Variants in TBC1D15 observed in about 807,000 individuals in gnomAD.
TBC1D15 encodes TBC1 domain family member 15.
A neutral mutation model predicts 95.4 loss-of-function variants in TBC1D15; 39 were observed. The observed-to-expected ratio is 0.41, with a 90% CI of 0.32 to 0.53. The LOEUF (loss-of-function observed/expected upper bound fraction) is 0.53. TBC1D15 is among the 20% of genes least tolerant of loss of function. TBC1D15 has a pLI of 0.29. For missense variants in TBC1D15, 733 were observed against 794.3 expected, an observed-to-expected ratio of 0.92 and a Z score of 0.93; for synonymous variants, 258 against 261.3, an observed-to-expected ratio of 0.99 and a Z score of 0.12.
At chr12:71,913,523 T>C (rs977905984) in intron 11 of TBC1D15, 2 of 241,354 alleles carry the variant, frequency 8.3e-6, no homozygotes, top group African/African-American at 2.4e-5. Flanking sequence ...TTCTTTCTCA[T>C]GATGCTCTTG....
intron 9 of TBC1D15, 77 bp downstream of exon 9, chr12:71,896,857 A>G (rs1898292870): frequency 9.0e-7 from 1 of 1,116,468 alleles, no homozygotes; most frequent in Non-Finnish European, 1.3e-6. Flanking sequence ...GGGTTTCTAG[A>G]TGAGGATTTG....
At chr12:71,893,509 T>C (rs1897589278) in intron 6 of TBC1D15, among the ~76,000 whole-genome samples, 185 bp downstream of exon 6, 1 of 151,862 alleles carries the variant, frequency 6.6e-6, no homozygotes, top group South Asian at 2.1e-4. Flanking sequence ...TAAGTTTTCA[T>C]GTTATTTGCA....
intron 10 of TBC1D15, among the ~76,000 whole-genome samples, chr12:71,905,842 T>G (rs1181258700): frequency 6.6e-6 from 1 of 152,160 alleles, no homozygotes; most frequent in Non-Finnish European, 1.5e-5. Flanking sequence ...TGTTGTTAGA[T>G]TCTACTCTGT....
At position 71,878,681 on chromosome 12, in the gene TBC1D15, A is replaced by G. The variant is rs563994406; in HGVS notation, c.205-1788A>G. Among the ~76,000 whole-genome samples the G allele has an allele frequency of 9.0e-4, 136 of 151,600 alleles. 1 individual carries two copies. The highest frequency in any genetic ancestry group is 6.2e-3 in the Admixed American group (94 of 15,256). On this transcript the variant is annotated intron_variant, in intron 3 of 16. Coordinates refer to ENST00000485960, the MANE Select transcript of TBC1D15 (RefSeq NM_001146213.3). ...CAGGCACCCCCCACCACTCCCGGCT[A>G]ATTTTTGTATTTTTAGTAGAGACGG...
intron 12 of TBC1D15, among the ~76,000 whole-genome samples, chr12:71,915,025 T>A (rs946782313): frequency 5.3e-5 from 8 of 152,082 alleles, no homozygotes; most frequent in African/African-American, 1.9e-4. Flanking sequence ...TTACATTAAA[T>A]TCATGAATAT....
intron 7 of TBC1D15, among the ~76,000 whole-genome samples, chr12:71,895,173 T>C (rs952861882): frequency 1.3e-5 from 2 of 152,052 alleles, no homozygotes; most frequent in Non-Finnish European, 2.9e-5. Flanking sequence ...CCTTTCCTAT[T>C]ACCTCTTAGT....
intron 1 of TBC1D15, among the ~76,000 whole-genome samples, chr12:71,851,544 A>G (rs1205243211): frequency 6.6e-6 from 1 of 152,206 alleles, no homozygotes; most frequent in Non-Finnish European, 1.5e-5. Context: ...TCCACCTGTG[A>G]GGCTGTAAAA....
chr12:71,876,199 T>C (rs1893779406), intron 3 of TBC1D15, among the ~76,000 whole-genome samples: 1 of 152,220 alleles, frequency 6.6e-6, no homozygotes, highest in Non-Finnish European at 1.5e-5. Flanking sequence ...GGTATCTCAC[T>C]TTTCCACCAA....
chr12:71,909,643 AC>A (rs1901688173), intron 11 of TBC1D15, among the ~76,000 whole-genome samples: 1 of 152,178 alleles, frequency 6.6e-6, no homozygotes, highest in Non-Finnish European at 1.5e-5. Context: ...AGCTTCAGTA[AC>A]CTGGAAAATT....
intron 3 of TBC1D15, 54 bp downstream of exon 3, chr12:71,873,057 A>AT (rs1893028856): frequency 8.3e-7 from 1 of 1,203,730 alleles, no homozygotes; most frequent in African/African-American, 1.5e-5. Flanking sequence ...AAATAACAGT[A>AT]TTATCCATAT....
rs376206032 is a variant in TBC1D15 at position 71,885,996 on chromosome 12, T to C, written c.554+975T>C. On this transcript the variant is annotated intron_variant, in intron 5 of 16. Transcript: ENST00000485960. ...TGAGTAAAGTCCAAAGCACAAAGCA[T>C]CTTTTAAGTCATGTTAGCAGGTTCT... Among the ~76,000 whole-genome samples the C allele has an allele frequency of 2.4e-4, 37 of 152,302 alleles. No individual in the cohort carries two copies. The South Asian group carries it at 3.1e-3, about 13-fold the overall frequency.
rs180775782 is a variant in TBC1D15 at position 71,851,313 on chromosome 12, C to T, written c.30+11502C>T. Among the ~76,000 whole-genome samples the T allele has an allele frequency of 2.6e-5, 4 of 152,192 alleles. No individual in the cohort carries two copies. In the East Asian group the frequency reaches 7.7e-4, roughly 29 times the overall value. On this transcript the variant is annotated intron_variant, in intron 1 of 16. Transcript: ENST00000485960. ...AACCACCCCCACTATTACCTCCCCCCAGGCCCCACCTCCAACGTTGGGTAT... is the reference window on the plus strand; with the variant it reads ...AACCACCCCCACTATTACCTCCCCCTAGGCCCCACCTCCAACGTTGGGTAT...
chr12:71,895,213 G>A (rs971021204), intron 7 of TBC1D15, among the ~76,000 whole-genome samples: 2 of 151,974 alleles, frequency 1.3e-5, no homozygotes, highest in African/African-American at 4.8e-5. Context: ...TTTTCTCATA[G>A]GCATCAGAGA....
chr12:71,866,059 G>T (rs1891433416), intron 1 of TBC1D15, among the ~76,000 whole-genome samples: 1 of 152,064 alleles, frequency 6.6e-6, no homozygotes, highest in South Asian at 2.1e-4. Flanking sequence ...GGCCTGAGGG[G>T]GTGAGGGCAA....
chr12:71,895,159 C>T (rs186387315), intron 7 of TBC1D15, among the ~76,000 whole-genome samples: 2 of 152,118 alleles, frequency 1.3e-5, no homozygotes, highest in East Asian at 3.9e-4. Context: ...GAGTGAGGAG[C>T]GAACCTTTCC....
intron 3 of TBC1D15, among the ~76,000 whole-genome samples, chr12:71,873,949 C>T (rs1441827894): frequency 6.6e-6 from 1 of 152,290 alleles, no homozygotes; most frequent in East Asian, 1.9e-4. Flanking sequence ...TTTCTAGTAG[C>T]CTCAGACATT....
At chr12:71,852,127 C>A (rs1187990701) in intron 1 of TBC1D15, among the ~76,000 whole-genome samples, 5 of 152,222 alleles carry the variant, frequency 3.3e-5, no homozygotes, top group African/African-American at 9.6e-5. Flanking sequence ...CACCTGCAGG[C>A]TTAACATCAT....
At chr12:71,897,766 G>T in intron 9 of TBC1D15, 81 bp from the exon 10 acceptor site, 1 of 1,024,474 alleles carries the variant, frequency 9.8e-7, no homozygotes, top group East Asian at 2.4e-5. Context: ...TTGATATACT[G>T]TTTATAGAAA....
rs117731189 is a variant in TBC1D15, at chr12:71,850,063, C to G, written c.30+10252C>G. ...TGAAGAGAGTTCCCGGAACAGCCATCGCTGTGAGTTTAAATTATGATAATC... is the reference window on the plus strand; with the variant it reads ...TGAAGAGAGTTCCCGGAACAGCCATGGCTGTGAGTTTAAATTATGATAATC... On this transcript the variant is annotated intron_variant, in intron 1 of 16. Transcript: ENST00000485960. 814 of 518,978 alleles carry G rather than the reference C, an allele frequency of 1.6e-3. 9 individuals are homozygous for G. In the East Asian group the frequency reaches 0.021, roughly 14 times the overall value. 32.1% of individuals were successfully genotyped at this position (518,978 alleles called of 1,614,324 possible). A position where few individuals can be genotyped will look rare whatever the true frequency, so the allele number is the denominator to read the frequency against.
Sources: allele counts gnomAD v4.1 joint callset (sites outside exome capture counted in the v4.1 genomes callset), GRCh38; gene constraint gnomAD v4.1.1; transcripts MANE v1.5; gene names NCBI Gene and HGNC (gene_info 2026-07-23, HGNC 2026-07-21).